The following MARCHF3 variants were observed in gnomAD, a reference collection of about 807,000 sequenced individuals.
The protein encoded by MARCHF3 is E3 ubiquitin-protein ligase MARCHF3.
In MARCHF3, 13 loss-of-function variants were observed where a neutral mutation model predicts 24.2. The ratio of observed to expected loss-of-function variants is 0.54; its 90% CI spans 0.35 to 0.85. MARCHF3 has a LOEUF of 0.85. Ranked by LOEUF, MARCHF3 falls within the 40% of genes least tolerant of loss-of-function variation. MARCHF3 has a pLI of 0.01. For missense variants in MARCHF3, 276 were observed against 325.0 expected, an observed-to-expected ratio of 0.85 and a Z score of 1.16; for synonymous variants, 144 against 137.3, an observed-to-expected ratio of 1.05 and a Z score of -0.34.
At chr5:126,965,039 AAG>A (rs1383534281) in intron 1 of MARCHF3, among the ~76,000 whole-genome samples, 2 of 151,610 alleles carry the variant, frequency 1.3e-5, no homozygotes, top group Admixed American at 6.6e-5. Context: ...AAAAAAAAAA[AAG>A]AGGGAATTTA....
intron 1 of MARCHF3, among the ~76,000 whole-genome samples, chr5:127,005,133 C>CTTTTTTTTTTTTTTTTTTTTTTTTTTTT (rs937505290): frequency 1.6e-5 from 2 of 122,542 alleles, no homozygotes; most frequent in Non-Finnish European, 1.7e-5. Flanking sequence ...CTCAGAAAGT[C>CTTTTTTTTTTTTTTTTTTTTTTTTTTTT]TTTTTTTTTT....
chr5:126,932,325 C>G (rs1023667292), intron 1 of MARCHF3, among the ~76,000 whole-genome samples: 4 of 152,220 alleles, frequency 2.6e-5, no homozygotes, highest in African/African-American at 4.8e-5. Flanking sequence ...AATTTGCCCA[C>G]CTGTGAAAAA....
At chr5:126,899,970 G>A (rs1445152292) in intron 3 of MARCHF3, among the ~76,000 whole-genome samples, 2 of 151,992 alleles carry the variant, frequency 1.3e-5, no homozygotes, top group Admixed American at 6.6e-5. Flanking sequence ...TGTGTTGAAC[G>A]TTCTATGGGT....
At chr5:126,897,404 C>G (rs887463059) in intron 3 of MARCHF3, among the ~76,000 whole-genome samples, 1 of 151,872 alleles carries the variant, frequency 6.6e-6, no homozygotes, top group African/African-American at 2.4e-5. Context: ...GACCCTGACC[C>G]TCTCCTTACT....
At chr5:126,932,071 C>T (rs1298812754) in intron 1 of MARCHF3, among the ~76,000 whole-genome samples, 1 of 152,222 alleles carries the variant, frequency 6.6e-6, no homozygotes, top group Non-Finnish European at 1.5e-5. Flanking sequence ...ACAGCAAACA[C>T]CACTGGCTGC....
intron 1 of MARCHF3, among the ~76,000 whole-genome samples, chr5:126,998,651 G>A (rs1752025032): frequency 6.6e-6 from 1 of 152,136 alleles, no homozygotes; most frequent in Admixed American, 6.5e-5. Context: ...GTAAGAAGGA[G>A]GCCACCTCAT....
At chr5:126,993,491 G>A (rs1264642437) in intron 1 of MARCHF3, among the ~76,000 whole-genome samples, 1 of 152,042 alleles carries the variant, frequency 6.6e-6, no homozygotes, top group African/African-American at 2.4e-5. Flanking sequence ...CCATCTTCAG[G>A]TTCCAGATAG....
chr5:127,010,436 A>G (rs749756720), intron 1 of MARCHF3, among the ~76,000 whole-genome samples: 2 of 152,194 alleles, frequency 1.3e-5, no homozygotes, highest in Admixed American at 1.3e-4. Context: ...AGCTAACCCT[A>G]CATGGCCCAC....
At chr5:127,029,528 C>G (rs1753106060) in intron 1 of MARCHF3, among the ~76,000 whole-genome samples, 1 of 152,220 alleles carries the variant, frequency 6.6e-6, no homozygotes, top group South Asian at 2.1e-4. Flanking sequence ...CTAACCCAGA[C>G]CGAGTCACAA....
At chr5:126,898,718 T>G (rs945599259) in intron 3 of MARCHF3, among the ~76,000 whole-genome samples, 1 of 152,106 alleles carries the variant, frequency 6.6e-6, no homozygotes, top group Non-Finnish European at 1.5e-5. Context: ...TTACAACTTT[T>G]CTGCTGCTCC....
chr5:126,933,591 CCCACCACCACGCTCGG>C (rs1749545089), intron 1 of MARCHF3, among the ~76,000 whole-genome samples: 1 of 151,918 alleles, frequency 6.6e-6, no homozygotes, highest in Non-Finnish European at 1.5e-5. Flanking sequence ...ACTACAGGCG[CCCACCACCACGCTCGG>C]CTAATTTTTT....
chr5:126,881,700 CAG>C (rs1284972721), intron 3 of MARCHF3, among the ~76,000 whole-genome samples: 3 of 151,718 alleles, frequency 2.0e-5, no homozygotes, highest in African/African-American at 7.3e-5. Context: ...TACACAAAGA[CAG>C]GGGGCCACCT....
chr5:126,973,623 T>C (rs1751093333), intron 1 of MARCHF3, among the ~76,000 whole-genome samples: 1 of 152,218 alleles, frequency 6.6e-6, no homozygotes, highest in South Asian at 2.1e-4. Context: ...ACATTCCTTT[T>C]GACTAAAATG....
intron 1 of MARCHF3, among the ~76,000 whole-genome samples, chr5:126,967,021 T>C (rs1221183227): frequency 6.7e-6 from 1 of 148,980 alleles, no homozygotes; most frequent in East Asian, 2.0e-4. Context: ...TTTGGTTACA[T>C]GACTAAGTTC....
chr5:126,980,123 C>A (rs571960536), intron 1 of MARCHF3, among the ~76,000 whole-genome samples: 67 of 152,210 alleles, frequency 4.4e-4, no homozygotes, highest in African/African-American at 1.5e-3. Context: ...AAAGCAAAAT[C>A]TTTCCTCTTC....
At chr5:126,914,304 T>C (rs889039797) in intron 3 of MARCHF3, among the ~76,000 whole-genome samples, 3 of 152,076 alleles carry the variant, frequency 2.0e-5, no homozygotes, top group Non-Finnish European at 4.4e-5. Context: ...AACATTAGGT[T>C]ATTGGCTGAA....
chr5:126,911,685 A>C (rs1754537326), intron 3 of MARCHF3, among the ~76,000 whole-genome samples: 1 of 152,216 alleles, frequency 6.6e-6, no homozygotes, highest in Admixed American at 6.5e-5. Context: ...ATGAATAATG[A>C]TCCAGTAGAA....
At chr5:127,003,866 G>C (rs1396950421) in intron 1 of MARCHF3, among the ~76,000 whole-genome samples, 3 of 152,184 alleles carry the variant, frequency 2.0e-5, no homozygotes, top group African/African-American at 7.2e-5. Context: ...ACACACATGT[G>C]CACACAAACA....
At chr5:126,905,970 ATTATT>A (rs1186027600) in intron 3 of MARCHF3, among the ~76,000 whole-genome samples, 3 of 151,960 alleles carry the variant, frequency 2.0e-5, no homozygotes, top group African/African-American at 7.3e-5. Context: ...GATAGCGCTT[ATTATT>A]TTGAGATACG....
Sources: gnomAD v4.1 joint callset for allele counts (sites outside exome capture counted in the v4.1 genomes callset) on GRCh38, gnomAD v4.1.1 for gene constraint, MANE v1.5 for transcripts, NCBI Gene and HGNC (gene_info 2026-07-23, HGNC 2026-07-21) for gene names.